PIK3CD: variants seen among roughly 807,000 people sequenced by gnomAD.
The protein encoded by PIK3CD is phosphatidylinositol 4,5-bisphosphate 3-kinase catalytic subunit delta isoform.
In PIK3CD, 20 loss-of-function variants were observed where a neutral mutation model predicts 122.9. The ratio of observed to expected loss-of-function variants is 0.16; its 90% confidence interval spans 0.11 to 0.24. The LOEUF (loss-of-function observed/expected upper bound fraction) is 0.24. PIK3CD is among the 10% of genes least tolerant of loss of function. PIK3CD has a pLI of 1.00. For synonymous variants in PIK3CD, 596 were observed against 593.4 expected, an observed-to-expected ratio of 1.00 and a Z score of -0.06; for missense variants, 787 against 1,406.3, an observed-to-expected ratio of 0.56 and a Z score of 7.04.
intron 1 of PIK3CD, among the ~76,000 whole-genome samples, chr1:9,687,912 T>C (rs954183281): frequency 2.1e-5 from 3 of 142,030 alleles, no homozygotes; most frequent in African/African-American, 5.0e-5. Flanking sequence ...TTCTCTCTCC[T>C]CCTTGGGGGG....
chr1:9,696,523 A>C (rs1422678272), intron 2 of PIK3CD, among the ~76,000 whole-genome samples: 1 of 151,880 alleles, frequency 6.6e-6, no homozygotes, highest in Non-Finnish European at 1.5e-5. Context: ...AAGCTGAAGC[A>C]GGAGAATTGC....
chr1:9,632,176 C>G, the PIK3CD span, among the ~76,000 whole-genome samples: 18 of 152,114 alleles, frequency 1.2e-4, no homozygotes, highest in African/African-American at 3.9e-4. Context: ...CCACGCCCAG[C>G]TAATTTTGTA....
chr1:9,673,758 T>C (rs542565192), intron 1 of PIK3CD, among the ~76,000 whole-genome samples: 9 of 152,346 alleles, frequency 5.9e-5, no homozygotes, highest in African/African-American at 2.2e-4. Flanking sequence ...TTGCCTGGTC[T>C]AATTCCATAA....
At chr1:9,667,009 G>A (rs953359028) in intron 1 of PIK3CD, among the ~76,000 whole-genome samples, 7 of 152,130 alleles carry the variant, frequency 4.6e-5, no homozygotes, top group East Asian at 1.9e-4. Context: ...GACTACAGGC[G>A]TACACCGCCA....
chr1:9,673,322 C>T (rs772208671), intron 1 of PIK3CD, among the ~76,000 whole-genome samples: 5 of 152,000 alleles, frequency 3.3e-5, no homozygotes, highest in Non-Finnish European at 7.4e-5. Flanking sequence ...TGTAATGGTG[C>T]GATCTCAGCT....
Position 9,706,050 on chromosome 1 carries a change from A to ATTTTTTT in PIK3CD, c.-32-4356_-32-4350dup, listed in dbSNP as rs140912843. ...AATTGCTGTTGATTCATTTATTGGAATTTTTTTTTTTTTTTTTTTTTTTTG... is the reference window on the plus strand; with the variant it reads ...AATTGCTGTTGATTCATTTATTGGAATTTTTTTTTTTTTTTTTTTTTTTTTTTTTTTG... On this transcript the variant is annotated intron_variant, in intron 2 of 23. Coordinates refer to ENST00000377346, the MANE Select transcript of PIK3CD (RefSeq NM_005026.5). 4.5e-4 allele frequency among the ~76,000 whole-genome samples: 38 copies of ATTTTTTT among 85,164 alleles called. 1 individual carries two copies. The highest frequency in any genetic ancestry group is 1.1e-3 in the African/African-American group (23 of 21,018). 55.9% of individuals were successfully genotyped at this position (85,164 alleles called of 152,430 possible).
At chr1:9,628,912 T>C in the PIK3CD span, among the ~76,000 whole-genome samples, 4 of 151,770 alleles carry the variant, frequency 2.6e-5, no homozygotes, top group Middle Eastern at 3.4e-3. Flanking sequence ...AAGGAAAAGG[T>C]TGGGCGGTGG....
At chr1:9,682,367 T>C (rs1189832199) in intron 1 of PIK3CD, among the ~76,000 whole-genome samples, 3 of 150,182 alleles carry the variant, frequency 2.0e-5, no homozygotes, top group African/African-American at 2.5e-5. Flanking sequence ...GCCTCCTGAG[T>C]AGCTGGGATT....
At position 9,723,243 on chromosome 1, in the gene PIK3CD, G is replaced by A. The variant is rs763402967; in HGVS notation, c.2545G>A (p.Ala849Thr). ...CAAGAGCAACATGGCAGCCACAGCC[G>A]CCTTCAACAAGGATGCCCTGCTCAA... ...LNKSNMAATA[A>T]FNKDALLNWL... The change falls in exon 20 of 24, where the codon GCC becomes ACC. Residue 849 changes from alanine (A) to threonine (T), a missense_variant. By Grantham distance (58) the Ala-to-Thr change is moderately conservative. Around this residue, in one of 6 missense-constraint regions of PIK3CD, gnomAD observed 69 missense variants for 166.8 expected, o/e 0.41. Transcript: ENST00000377346. This position sits in a 1 kb window ranked among gnomAD's most constrained non-coding sequence, Gnocchi z 4.9. 7 of 1,613,912 alleles carry A rather than the reference G, an allele frequency of 4.3e-6. No homozygotes were observed. The highest frequency in any genetic ancestry group is 1.7e-5 in the Admixed American group (1 of 60,004).
At chr1:9,681,563 C>T (rs1043372603) in intron 1 of PIK3CD, among the ~76,000 whole-genome samples, 3 of 152,164 alleles carry the variant, frequency 2.0e-5, no homozygotes, top group Non-Finnish European at 4.4e-5. Context: ...TACAGGCGTG[C>T]GCCACTAGTT....
chr1:9,654,155 C>A, intron 1 of PIK3CD: 1 of 1,305,872 alleles, frequency 7.7e-7, no homozygotes, highest in Non-Finnish European at 1.0e-6. Context: ...CCCCGCCCTT[C>A]AGCCCCTGTT....
In PIK3CD at chr1:9,727,808, CTTTT is replaced by C. The variant is rs34570604; in HGVS notation, c.*773_*776del. 2.3e-5 allele frequency: 4 copies of C among 170,336 alleles called. No individual in the cohort carries two copies. The highest frequency in any genetic ancestry group is 9.8e-5 in the East Asian group (1 of 10,196). 10.6% of individuals were successfully genotyped at this position (170,336 alleles called of 1,614,324 possible). On this transcript the variant is annotated 3_prime_UTR_variant, in exon 24 of 24. Transcript: ENST00000377346. ...AATACTCTGCCATTATCTCAAAAAT[CTTTT>C]TTTTTTTTTTGAGATGGGGTCTTCC...
chr1:9,691,192 A>G (rs2100458748), intron 1 of PIK3CD, among the ~76,000 whole-genome samples: 1 of 152,350 alleles, frequency 6.6e-6, no homozygotes, highest in African/African-American at 2.4e-5. Context: ...AAACAGCTCT[A>G]AAAACGATCT....
chr1:9,697,771 C>T (rs1322279771), intron 2 of PIK3CD, among the ~76,000 whole-genome samples: 2 of 151,972 alleles, frequency 1.3e-5, no homozygotes, highest in African/African-American at 2.4e-5. Context: ...TGGCTCACAC[C>T]TGTAATCCTG....
At chr1:9,646,724 G>A in the PIK3CD span, among the ~76,000 whole-genome samples, 1 of 151,860 alleles carries the variant, frequency 6.6e-6, no homozygotes, top group South Asian at 2.1e-4. Context: ...AGGCCGAGGC[G>A]GGCGGATCAC....
In PIK3CD at chr1:9,710,165, G is replaced by T; in HGVS notation, c.-32-259G>T. ...TTCCTGAGGAAAGATGATTTGCTGT[G>T]CGTGCTCCTGTGGGGAGGACATGCA... On this transcript the variant is annotated intron_variant, in intron 2 of 23. Coordinates refer to ENST00000377346, the MANE Select transcript of PIK3CD (RefSeq NM_005026.5). The surrounding 1 kb of genome is among the most constrained non-coding windows in gnomAD (Gnocchi z 4.7). The T allele has an allele frequency of 2.2e-6, 1 of 462,246 alleles. No individual in the cohort carries two copies. Among genetic ancestry groups the T allele is most frequent in the Non-Finnish European group, 4.0e-6 (1 of 249,300 alleles). 28.6% of individuals were successfully genotyped at this position (462,246 alleles called of 1,614,324 possible).
chr1:9,673,850 C>T (rs1193837210), intron 1 of PIK3CD, among the ~76,000 whole-genome samples: 1 of 152,170 alleles, frequency 6.6e-6, no homozygotes, highest in Non-Finnish European at 1.5e-5. Context: ...TTCATGGAAT[C>T]AGCTCCTTTC....
the PIK3CD span, among the ~76,000 whole-genome samples, chr1:9,629,136 G>A: frequency 6.1e-3 from 935 of 152,224 alleles, 11 homozygotes; most frequent in African/African-American, 0.021. Flanking sequence ...TAAGGACTGG[G>A]GCTGCTGTGA....
At chr1:9,657,767 T>C (rs904150601) in intron 1 of PIK3CD, among the ~76,000 whole-genome samples, 19 of 152,134 alleles carry the variant, frequency 1.2e-4, no homozygotes, top group African/African-American at 4.3e-4. Context: ...TTTCATCTGT[T>C]GGGCAGAGGT....
Sources: allele counts gnomAD v4.1 joint callset (sites outside exome capture counted in the v4.1 genomes callset), GRCh38; gene constraint gnomAD v4.1.1; regional missense constraint gnomAD v4.1.1; non-coding constraint Gnocchi (gnomAD v3.1); transcripts MANE v1.5; gene names NCBI Gene and HGNC (gene_info 2026-07-23, HGNC 2026-07-21).